GSN: variants seen among roughly 807,000 people sequenced by gnomAD.
GSN encodes the protein actin-depolymerizing factor.
Under a neutral mutation model 85.7 loss-of-function variants are expected in GSN, and 56 were observed. That is an observed-to-expected ratio of 0.65 (90% CI 0.53 to 0.82). The LOEUF (loss-of-function observed/expected upper bound fraction) is 0.82. Among genes scored for constraint, GSN ranks in the 40% least tolerant of loss-of-function variants. The pLI, the probability that GSN is intolerant of heterozygous loss-of-function variation, is 0.00. For synonymous variants in GSN, 373 were observed against 399.1 expected (o/e 0.93, Z 0.78); for missense variants, 857 against 979.8 (o/e 0.87, Z 1.67).
intron 14 of GSN, 82 bp from the exon 15 acceptor site, chr9:121,328,809 G>C: frequency 1.4e-6 from 2 of 1,479,516 alleles, no homozygotes; most frequent in Non-Finnish European, 1.9e-6. Context: ...TTGCGCTTGG[G>C]CAGGGCTGGT....
At chr9:121,206,595 G>A (rs146900030), upstream of GSN, among the ~76,000 whole-genome samples, 3 of 152,144 alleles carry the variant, frequency 2.0e-5, no homozygotes, top group East Asian at 5.8e-4. Flanking sequence ...CATTAATGAG[G>A]TAAAAAGCAA....
intron 2 of GSN, chr9:121,286,880 C>A: frequency 2.4e-6 from 2 of 824,116 alleles, no homozygotes; most frequent in Non-Finnish European, 4.0e-6. Flanking sequence ...TTTGTTCCTC[C>A]GTCTATAAAA....
chr9:121,232,498 A>T (rs563105583), intron 5 of GSN, among the ~76,000 whole-genome samples: 3 of 152,330 alleles, frequency 2.0e-5, no homozygotes, highest in African/African-American at 7.2e-5. Context: ...CATGATAGGG[A>T]TGAACGTATC....
At chr9:121,242,493 CA>C (rs35925722) in intron 5 of GSN, among the ~76,000 whole-genome samples, 57,237 of 151,986 alleles carry the variant, frequency 0.38, 13,452 homozygotes, top group East Asian at 0.62. Flanking sequence ...TGGGGCTAGA[CA>C]GGGGAAAGCC....
intron 10 of GSN, among the ~76,000 whole-genome samples, chr9:121,319,581 C>G (rs1409431477): frequency 6.6e-6 from 1 of 151,876 alleles, no homozygotes; most frequent in Non-Finnish European, 1.5e-5. Context: ...CCTCGGCCCC[C>G]CAAAGTGTTG....
intron 17 of GSN, chr9:121,331,774 C>G (rs2063938493): frequency 3.8e-6 from 1 of 260,918 alleles, no homozygotes; most frequent in East Asian, 7.6e-5. Flanking sequence ...GCAAAGCAGG[C>G]CAGGCATGGT....
chr9:121,322,397 A>G (rs2062593306), intron 11 of GSN, among the ~76,000 whole-genome samples: 1 of 152,218 alleles, frequency 6.6e-6, no homozygotes, highest in Admixed American at 6.5e-5. Flanking sequence ...ACAGTTGCAT[A>G]ATAGTCCTTT....
chr9:121,241,457 G>C lies in GSN; in HGVS notation c.-388-6819G>C, dbSNP rs373284043. ...GCCAAAAAACTTCCCCACAGGTTTTGATTTTTGGTTCTGTCATTTAATGAT... is the reference window on the plus strand; with the variant it reads ...GCCAAAAAACTTCCCCACAGGTTTTCATTTTTGGTTCTGTCATTTAATGAT... On this transcript the variant is annotated intron_variant, in intron 5 of 24. Coordinates refer to the GSN transcript ENST00000373823. Among the ~76,000 whole-genome samples the C allele has an allele frequency of 2.6e-4, 39 of 152,266 alleles. No homozygotes were observed. In the South Asian group the frequency reaches 2.7e-3, roughly 11 times the overall value.
At chr9:121,228,425 T>TATATATATATATATATA (rs1491358330) in intron 4 of GSN, among the ~76,000 whole-genome samples, 29 of 19,384 alleles carry the variant, frequency 1.5e-3, no homozygotes, top group Admixed American at 2.7e-3. Context: ...TATATATATA[T>TATATATATATATATATA]TTTTTTTTTT....
rs2054813235 is a variant in GSN at position 121,250,875 on chromosome 9, GTGTGTGT to G, written c.-341+2553_-341+2559del. On this transcript the variant is annotated intron_variant, in intron 6 of 24. Coordinates refer to the GSN transcript ENST00000373823. ...TTTGCTTATCATGCCTGCTTGGGGT[GTGTGTGT>G]GTGTGTGTGTGTGTGTGTGTGTGTG... Among the ~76,000 whole-genome samples the G allele has an allele frequency of 3.1e-4, 8 of 25,782 alleles. 1 individual carries two copies. The highest frequency in any genetic ancestry group is 1.2e-3 in the African/African-American group (8 of 6,608). 16.9% of individuals were successfully genotyped at this position (25,782 alleles called of 152,430 possible).
chr9:121,239,043 T>C (rs879199207), intron 5 of GSN: 1 of 436,448 alleles, frequency 2.3e-6, no homozygotes, highest in South Asian at 1.8e-5. Flanking sequence ...AGTTCAGAGA[T>C]GGGTGAATGA....
chr9:121,272,993 C>G (rs1414136103), intron 1 of GSN, among the ~76,000 whole-genome samples: 32 of 152,202 alleles, frequency 2.1e-4, no homozygotes, highest in Admixed American at 2.1e-3. Flanking sequence ...CTCCTCCCTC[C>G]TCCCTTGCTT....
chr9:121,331,458 C>A lies in GSN; in HGVS notation c.2026+10C>A, dbSNP rs776707209. The A allele has an allele frequency of 6.6e-7, 1 of 1,515,352 alleles. No individual in the cohort carries two copies. The highest frequency in any genetic ancestry group is 8.9e-7 in the Non-Finnish European group (1 of 1,119,354). 93.9% of individuals were successfully genotyped at this position (1,515,352 alleles called of 1,614,324 possible). The stretch of plus-strand genomic sequence containing the variant: ...GAAGCCTTGACTTCTGGTGAGGACC[C>A]GAGTGCCTGGGGGCGGGGGGAGGGG... On this transcript the variant is annotated intron_variant, in intron 17 of 17. Transcript: ENST00000432226.
At chr9:121,268,656 C>G (rs185721322) in intron 1 of GSN, among the ~76,000 whole-genome samples, 2 of 152,306 alleles carry the variant, frequency 1.3e-5, no homozygotes, top group African/African-American at 4.8e-5. Context: ...TGGACGATAC[C>G]TGTGCCTGCT....
rs1027323756 is a variant in GSN, at chr9:121,212,384, G to A, written c.-528+1517G>A. Among the ~76,000 whole-genome samples the A allele has an allele frequency of 9.9e-5, 15 of 152,022 alleles. 1 individual carries two copies. The highest frequency in any genetic ancestry group is 3.9e-4 in the East Asian group (2 of 5,182). On this transcript the variant is annotated intron_variant, in intron 4 of 24. Transcript: ENST00000373823. ...GTGGTCCCTAGTTTATTGGATTGTC[G>A]TGAAGGTTATAAATGTGTGTAAAAT...
chr9:121,255,534 C>G (rs1313395606), intron 6 of GSN, among the ~76,000 whole-genome samples: 1 of 152,222 alleles, frequency 6.6e-6, no homozygotes, highest in African/African-American at 2.4e-5. Flanking sequence ...CCATGCCTAG[C>G]TCATGTATCT....
At chr9:121,307,159 C>T (rs961918640) in intron 4 of GSN, among the ~76,000 whole-genome samples, 3 of 150,870 alleles carry the variant, frequency 2.0e-5, no homozygotes, top group South Asian at 4.2e-4. Context: ...CCAGCCTGGG[C>T]GATGGAACGA....
intron 4 of GSN, among the ~76,000 whole-genome samples, chr9:121,213,922 C>T (rs1209744366): frequency 6.6e-6 from 1 of 152,156 alleles, no homozygotes; most frequent in African/African-American, 2.4e-5. Context: ...CCGACGAGCT[C>T]GTACCTTCTT....
chr9:121,253,393 T>G (rs907140239), intron 6 of GSN, among the ~76,000 whole-genome samples: 8 of 152,202 alleles, frequency 5.3e-5, no homozygotes, highest in Non-Finnish European at 7.3e-5. Flanking sequence ...CTTGTTCAGT[T>G]CAGCTCCCAT....
Sources: gnomAD v4.1 joint callset for allele counts (sites outside exome capture counted in the v4.1 genomes callset) on GRCh38, gnomAD v4.1.1 for gene constraint, MANE v1.5 for transcripts, NCBI Gene and HGNC (gene_info 2026-07-23, HGNC 2026-07-21) for gene names.